ALMS1: variants seen among roughly 807,000 people sequenced by gnomAD.
ALMS1 encodes centrosome-associated protein ALMS1.
In ALMS1, 271 loss-of-function variants were observed where a neutral mutation model predicts 352.2. That is an observed-to-expected ratio of 0.77 (90% CI 0.70 to 0.85). The LOEUF is 0.85. Among genes scored for constraint, ALMS1 ranks in the 40% least tolerant of loss-of-function variants. The probability of loss-of-function intolerance (pLI) is 0.00; values close to 1 mark genes in which losing one functional copy is unlikely to be tolerated. For missense variants in ALMS1, 5,445 were observed against 4,870.7 expected (o/e 1.12, Z -3.51); for synonymous variants, 1,865 against 1,761.2 (o/e 1.06, Z -1.48).
chr2:73,439,404 G>A (rs1207477745), intron 7 of ALMS1, among the ~76,000 whole-genome samples: 1 of 151,902 alleles, frequency 6.6e-6, no homozygotes, highest in Non-Finnish European at 1.5e-5. Flanking sequence ...ACAGGCATGA[G>A]CCACCGTACC....
intron 1 of ALMS1, among the ~76,000 whole-genome samples, chr2:73,390,468 A>G (rs1670622188): frequency 6.6e-6 from 1 of 152,260 alleles, no homozygotes; most frequent in South Asian, 2.1e-4. Flanking sequence ...GTGGTGTTAT[A>G]TAAGGCAGTG....
At position 73,559,091 on chromosome 2, in the gene ALMS1, C is replaced by T. The variant is rs267599448; in HGVS notation, c.10333C>T (p.Pro3445Ser). Residue 3445 changes from proline (P) to serine (S), a missense_variant, in exon 15 of 23, where the codon CCC becomes TCC. Coordinates refer to ENST00000613296, the MANE Select transcript of ALMS1 (RefSeq NM_001378454.1). ...GGAGATCCATAGGAAGAAGACAGTT[C>T]CCGAGGAAGCCTGGCCAAACAATAA... ...KEEIHRKKTV[P>S]EEAWPNNKES... is the part of the protein sequence containing the mutation. 2 of 1,613,850 alleles carry T rather than the reference C, an allele frequency of 1.2e-6. No homozygotes were observed. Among genetic ancestry groups the T allele is most frequent in the Admixed American group, 1.7e-5 (1 of 59,982 alleles).
At chr2:73,417,500 A>C (rs993465425) in intron 2 of ALMS1, among the ~76,000 whole-genome samples, 13 of 152,212 alleles carry the variant, frequency 8.5e-5, no homozygotes, top group African/African-American at 3.1e-4. Context: ...AAAATGTTAA[A>C]GAATATGCTA....
chr2:73,485,601 C>T (rs898693403), intron 9 of ALMS1, among the ~76,000 whole-genome samples: 2 of 152,230 alleles, frequency 1.3e-5, no homozygotes, highest in Non-Finnish European at 2.9e-5. Flanking sequence ...GTGGGCTCCA[C>T]CCAGTTCGAG....
chr2:73,456,310 G>C (rs1188624425), intron 9 of ALMS1, among the ~76,000 whole-genome samples: 2 of 152,172 alleles, frequency 1.3e-5, no homozygotes, highest in Non-Finnish European at 2.9e-5. Context: ...CTTCTATGTA[G>C]ATGTGCAGAG....
intron 6 of ALMS1, among the ~76,000 whole-genome samples, chr2:73,427,225 A>C (rs1016789401): frequency 6.6e-6 from 1 of 152,182 alleles, no homozygotes; most frequent in African/African-American, 2.4e-5. Flanking sequence ...TGGAATATTT[A>C]AGTATTTCTG....
intron 16 of ALMS1, among the ~76,000 whole-genome samples, chr2:73,579,069 TTATTTA>T (rs1258695419): frequency 2.9e-5 from 4 of 136,300 alleles, no homozygotes; most frequent in East Asian, 2.0e-4. Context: ...TATTCTTTTT[TTATTTA>T]TTTTTTTTTT....
intron 9 of ALMS1, among the ~76,000 whole-genome samples, chr2:73,461,393 G>A (rs997578617): frequency 4.6e-5 from 7 of 152,206 alleles, no homozygotes; most frequent in African/African-American, 1.7e-4. Flanking sequence ...GCAGCTGAGG[G>A]TCCTGTCTGT....
rs1671987655 is a variant in ALMS1 at position 73,453,258 on chromosome 2, T to A, written c.6731T>A (p.Val2244Asp). 1 of 1,613,902 alleles carries A rather than the reference T, an allele frequency of 6.2e-7. No individual in the cohort carries two copies. The highest frequency in any genetic ancestry group is 1.1e-5 in the South Asian group (1 of 91,082). ...CCAGAATCTGCAGGTTTTAGAGATGTTGGCTCTGAAGAAATCCAGGATGCA... is the reference window on the plus strand; with the variant it reads ...CCAGAATCTGCAGGTTTTAGAGATGATGGCTCTGAAGAAATCCAGGATGCA... ...NKPESAGFRD[V>D]GSEEIQDAEN... The change falls in exon 8 of 23, where the codon GTT becomes GAT. Residue 2244 changes from valine to aspartate, a missense_variant. Coordinates refer to ENST00000613296, the MANE Select transcript of ALMS1 (RefSeq NM_001378454.1).
intron 15 of ALMS1, among the ~76,000 whole-genome samples, chr2:73,568,739 C>G (rs1490988678): frequency 2.0e-5 from 3 of 151,852 alleles, no homozygotes; most frequent in African/African-American, 7.3e-5. Flanking sequence ...GTCTGCAGTT[C>G]TAGGTATGAA....
At position 73,602,308 on chromosome 2, in the gene ALMS1, T is replaced by C. The variant is rs2104200019; in HGVS notation, c.12238T>C (p.Phe4080Leu). 1 of 1,614,210 alleles carries C rather than the reference T, an allele frequency of 6.2e-7. No individual in the cohort carries two copies. The highest frequency in any genetic ancestry group is 8.5e-7 in the Non-Finnish European group (1 of 1,180,018). The stretch of plus-strand genomic sequence containing the variant: ...GTTACAGACCGAGCGGGATGCACTA[T>C]TCAACATTGACAGGGAACGGCAGGG... The part of the protein sequence containing the change: ...SMLQTERDAL[F>L]NIDRERQGHQ... The change falls in exon 20 of 23, where the codon TTC becomes CTC. Residue 4080 changes from phenylalanine (F) to leucine (L), a missense_variant. Phe to Leu is a conservative substitution (Grantham distance 22, BLOSUM62 0). Coordinates refer to ENST00000613296, the MANE Select transcript of ALMS1 (RefSeq NM_001378454.1).
At chr2:73,495,509 T>G (rs1368108608) in intron 10 of ALMS1, among the ~76,000 whole-genome samples, 1 of 152,160 alleles carries the variant, frequency 6.6e-6, no homozygotes, top group African/African-American at 2.4e-5. Flanking sequence ...ATGCTGTGAT[T>G]ACAGACGTGA....
At chr2:73,482,364 A>T (rs959830163) in intron 9 of ALMS1, among the ~76,000 whole-genome samples, 1 of 152,150 alleles carries the variant, frequency 6.6e-6, no homozygotes, top group South Asian at 2.1e-4. Context: ...GGCTCTGTTT[A>T]TATGCTGGAT....
chr2:73,443,897 T>C (rs1671762003), intron 7 of ALMS1, among the ~76,000 whole-genome samples: 1 of 152,222 alleles, frequency 6.6e-6, no homozygotes, highest in African/African-American at 2.4e-5. Flanking sequence ...GTCTTATCAC[T>C]ATTTTATTGA....
intron 2 of ALMS1, among the ~76,000 whole-genome samples, chr2:73,410,309 A>C (rs766869438): frequency 6.6e-6 from 1 of 152,154 alleles, no homozygotes. Flanking sequence ...GAATCGCTTG[A>C]ACCCAGGAGG....
intron 21 of ALMS1, among the ~76,000 whole-genome samples, chr2:73,608,067 G>A (rs1368545457): frequency 6.6e-6 from 1 of 152,068 alleles, no homozygotes; most frequent in African/African-American, 2.4e-5. Flanking sequence ...ACATTTTATA[G>A]GTGTGACCAT....
chr2:73,567,424 A>T (rs911687278), intron 15 of ALMS1, among the ~76,000 whole-genome samples: 1 of 152,244 alleles, frequency 6.6e-6, no homozygotes, highest in Non-Finnish European at 1.5e-5. Flanking sequence ...AATGGAAATT[A>T]CAAGAGTTTT....
At position 73,452,958 on chromosome 2, in the gene ALMS1, A is replaced by G. The variant is rs1307909259; in HGVS notation, c.6431A>G (p.His2144Arg). The part of the protein sequence containing the change: ...LPTALPSSFS[H>R]REKPDIFYQK... ...ACAGCTCTTCCTAGTTCCTTTTCAC[A>G]TCGAGAGAAACCAGATATTTTCTAT... Residue 2144 changes from histidine (H) to arginine (R), a missense_variant, in exon 8 of 23, where the codon CAT becomes CGT. Coordinates refer to ENST00000613296, the MANE Select transcript of ALMS1 (RefSeq NM_001378454.1). 1.9e-6 allele frequency: 3 copies of G among 1,612,682 alleles called. No homozygotes were observed. The highest frequency in any genetic ancestry group is 2.5e-6 in the Non-Finnish European group (3 of 1,179,420).
At chr2:73,418,656 C>T (rs1671226472) in intron 2 of ALMS1, among the ~76,000 whole-genome samples, 1 of 152,180 alleles carries the variant, frequency 6.6e-6, no homozygotes, top group African/African-American at 2.4e-5. Context: ...AAGTCTGTTC[C>T]TTTTTGTAGT....
Sources: gnomAD v4.1 joint callset for allele counts (sites outside exome capture counted in the v4.1 genomes callset) on GRCh38, gnomAD v4.1.1 for gene constraint, MANE v1.5 for transcripts, NCBI Gene and HGNC (gene_info 2026-07-23, HGNC 2026-07-21) for gene names.